The following SUPT3H variants were observed in gnomAD, a reference collection of about 807,000 sequenced individuals.
The protein encoded by SUPT3H is transcription initiation protein SPT3 homolog.
SUPT3H carries 44 observed loss-of-function variants against 44.3 expected under a neutral mutation model. That is an observed-to-expected ratio of 0.99 (90% CI 0.78 to 1.28). The LOEUF (loss-of-function observed/expected upper bound fraction) is 1.28, where lower values mean the gene tolerates loss of function less well. Among genes scored for constraint, SUPT3H ranks in the 50% most tolerant of loss-of-function variants. The pLI is 0.00. For missense variants in SUPT3H, 380 were observed against 387.1 expected, an observed-to-expected ratio of 0.98 and a Z score of 0.15; for synonymous variants, 124 against 125.6, an observed-to-expected ratio of 0.99 and a Z score of 0.09.
intron 2 of SUPT3H, chr6:45,159,369 A>G (rs1000037781): frequency 6.6e-6 from 1 of 152,190 alleles, no homozygotes; most frequent in Non-Finnish European, 1.5e-5. Context: ...TTGGCTGCCT[A>G]ATTAGGCCTC....
chr6:45,030,461 G>C (rs938424664), intron 3 of SUPT3H, among the ~76,000 whole-genome samples: 13 of 152,012 alleles, frequency 8.6e-5, no homozygotes, highest in African/African-American at 3.1e-4. Flanking sequence ...TTCTTCAAAG[G>C]ACAAAAATAT....
chr6:44,921,904 C>T (rs2153457115), intron 10 of SUPT3H, among the ~76,000 whole-genome samples: 1 of 152,348 alleles, frequency 6.6e-6, no homozygotes, highest in South Asian at 2.1e-4. Flanking sequence ...CAACTGTCAC[C>T]TTGAATGCGC....
At chr6:45,120,440 A>AAG (rs1186345496) in intron 2 of SUPT3H, among the ~76,000 whole-genome samples, 1 of 148,084 alleles carries the variant, frequency 6.8e-6, no homozygotes, top group Non-Finnish European at 1.5e-5. Flanking sequence ...AAAAAAAAAA[A>AAG]AGACTATATA....
intron 9 of SUPT3H, among the ~76,000 whole-genome samples, chr6:44,949,433 T>TC (rs917821374): frequency 2.7e-5 from 4 of 150,292 alleles, no homozygotes; most frequent in African/African-American, 9.8e-5. Context: ...CGGAATATTG[T>TC]CAAAAAAAAG....
At chr6:45,089,373 A>G (rs1215924249) in intron 3 of SUPT3H, among the ~76,000 whole-genome samples, 4 of 151,940 alleles carry the variant, frequency 2.6e-5, no homozygotes, top group African/African-American at 7.2e-5. Context: ...ATTCCTGGGT[A>G]TCCTCTTGAG....
At chr6:45,036,224 G>C (rs1263835552) in intron 3 of SUPT3H, among the ~76,000 whole-genome samples, 1 of 152,158 alleles carries the variant, frequency 6.6e-6, no homozygotes, top group Non-Finnish European at 1.5e-5. Context: ...GGAAGGATCA[G>C]GTGAGGGGAG....
At chr6:44,941,415 T>C (rs1174563419) in intron 9 of SUPT3H, among the ~76,000 whole-genome samples, 1 of 37,112 alleles carries the variant, frequency 2.7e-5, no homozygotes, top group Non-Finnish European at 4.9e-5. Flanking sequence ...TACAAAATTT[T>C]TGGCTGACAG....
intron 3 of SUPT3H, among the ~76,000 whole-genome samples, chr6:45,065,621 A>AG (rs1235915416): frequency 1.3e-5 from 2 of 151,312 alleles, no homozygotes; most frequent in East Asian, 3.9e-4. Context: ...AAAATGATAA[A>AG]GGGGATATCA....
intron 10 of SUPT3H, among the ~76,000 whole-genome samples, chr6:44,893,449 T>C (rs1763625962): frequency 6.7e-6 from 1 of 150,194 alleles, no homozygotes; most frequent in Admixed American, 6.6e-5. Context: ...CATTGTTCAA[T>C]TCCCACCTAC....
chr6:45,173,952 T>C (rs780533811), intron 2 of SUPT3H, among the ~76,000 whole-genome samples: 29 of 152,242 alleles, frequency 1.9e-4, no homozygotes, highest in Non-Finnish European at 3.4e-4. Context: ...TTTTTACTTT[T>C]GTGCCCCTGC....
In SUPT3H at chr6:45,321,820, A is replaced by G. The variant is rs768659905; in HGVS notation, c.101+43381T>C. The G allele has an allele frequency of 4.4e-6, 7 of 1,606,770 alleles. No homozygotes were observed. The African/African-American group carries it at 9.4e-5, about 21-fold the overall frequency. ...CCTGCCAGAATCATTCAGCAGTGGA[A>G]GGATATTGTGATAACAATAGGGAAA... On this transcript the variant is annotated intron_variant, in intron 2 of 10. Coordinates refer to ENST00000371459, the MANE Select transcript of SUPT3H (RefSeq NM_003599.4).
intron 3 of SUPT3H, among the ~76,000 whole-genome samples, chr6:45,030,696 T>G (rs1200563857): frequency 1.3e-5 from 2 of 152,208 alleles, no homozygotes; most frequent in Non-Finnish European, 2.9e-5. Flanking sequence ...AATAAAGTCC[T>G]GCTTTAGAAT....
At chr6:44,822,515 T>C (rs1767397452), downstream of SUPT3H, among the ~76,000 whole-genome samples, 1 of 152,184 alleles carries the variant, frequency 6.6e-6, no homozygotes, top group African/African-American at 2.4e-5. Flanking sequence ...TTGTATAGAT[T>C]CAGATGGAAC....
chr6:45,206,151 T>A (rs771842518), intron 2 of SUPT3H, among the ~76,000 whole-genome samples: 1 of 152,142 alleles, frequency 6.6e-6, no homozygotes, highest in Non-Finnish European at 1.5e-5. Flanking sequence ...TGAACAAAAC[T>A]GACTAAAATA....
At chr6:45,270,465 G>A (rs1183149655) in intron 2 of SUPT3H, among the ~76,000 whole-genome samples, 4 of 152,082 alleles carry the variant, frequency 2.6e-5, no homozygotes, top group South Asian at 2.1e-4. Context: ...GAGATCTGAC[G>A]GTTTGATAAG....
intron 1 of SUPT3H, among the ~76,000 whole-genome samples, chr6:45,376,445 A>G (rs1294856857): frequency 6.6e-6 from 1 of 152,244 alleles, no homozygotes; most frequent in Non-Finnish European, 1.5e-5. Context: ...TAATTTATGA[A>G]TAAAATTAAA....
intron 2 of SUPT3H, among the ~76,000 whole-genome samples, chr6:45,342,495 G>A (rs1301097283): frequency 2.6e-5 from 4 of 152,008 alleles, no homozygotes; most frequent in East Asian, 1.9e-4. Context: ...TTCTGACCTC[G>A]TAATCCACCC....
intron 2 of SUPT3H, among the ~76,000 whole-genome samples, chr6:45,163,682 T>C (rs970354174): frequency 2.8e-4 from 43 of 152,210 alleles, no homozygotes; most frequent in African/African-American, 5.8e-4. Flanking sequence ...CTTACAGCCC[T>C]GCTTTTCATG....
intron 2 of SUPT3H, among the ~76,000 whole-genome samples, chr6:45,287,106 A>C (rs7765383): frequency 3.9e-5 from 6 of 152,044 alleles, no homozygotes; most frequent in Non-Finnish European, 7.3e-5. Flanking sequence ...GTCGGAGGAG[A>C]GGGGAGGGAT....
Sources: allele counts gnomAD v4.1 joint callset (sites outside exome capture counted in the v4.1 genomes callset), GRCh38; gene constraint gnomAD v4.1.1; transcripts MANE v1.5; gene names NCBI Gene and HGNC (gene_info 2026-07-23, HGNC 2026-07-21).